The following PCDH15 variants were observed in gnomAD, a reference collection of about 807,000 sequenced individuals.
PCDH15 encodes protocadherin-15.
A neutral mutation model predicts 178.5 loss-of-function variants in PCDH15; 129 were observed. The ratio of observed to expected loss-of-function variants is 0.72; its 90% confidence interval spans 0.63 to 0.84. The LOEUF is 0.84. Among genes scored for constraint, PCDH15 ranks in the 40% least tolerant of loss-of-function variants. The probability of loss-of-function intolerance (pLI) is 0.00; values close to 1 mark genes in which losing one functional copy is unlikely to be tolerated. For synonymous variants in PCDH15, 800 were observed against 732.0 expected, an observed-to-expected ratio of 1.09 and a Z score of -1.50; for missense variants, 2,230 against 2,099.9, an observed-to-expected ratio of 1.06 and a Z score of -1.21.
chr10:55,453,218 T>C (rs1233761425), intron 2 of PCDH15, among the ~76,000 whole-genome samples: 3 of 152,244 alleles, frequency 2.0e-5, no homozygotes, highest in South Asian at 2.1e-4. Flanking sequence ...AAGCTGAATG[T>C]TGGGACATCA....
intron 3 of PCDH15, among the ~76,000 whole-genome samples, chr10:54,838,932 G>T (rs941352649): frequency 3.3e-5 from 5 of 152,086 alleles, no homozygotes; most frequent in African/African-American, 1.2e-4. Context: ...GGCAACTATG[G>T]ATTCCATTGC....
At chr10:53,832,475 T>C (rs11003873) in intron 29 of PCDH15, among the ~76,000 whole-genome samples, 7,415 of 151,912 alleles carry the variant, frequency 0.049, 329 homozygotes, top group East Asian at 0.15. Flanking sequence ...CTATAGAATA[T>C]TGGAAAACAA....
intron 1 of PCDH15, among the ~76,000 whole-genome samples, chr10:55,244,772 T>G (rs1404019382): frequency 6.6e-6 from 1 of 151,362 alleles, no homozygotes; most frequent in Non-Finnish European, 1.5e-5. Flanking sequence ...TAGAAAATTA[T>G]TTCCAGAATC....
chr10:54,526,678 T>C (rs1165973789), intron 3 of PCDH15, among the ~76,000 whole-genome samples: 1 of 152,204 alleles, frequency 6.6e-6, no homozygotes, highest in Non-Finnish European at 1.5e-5. Flanking sequence ...TGTTCACATT[T>C]TTGTAATTAC....
chr10:54,870,602 G>A (rs1342972398), intron 3 of PCDH15, among the ~76,000 whole-genome samples: 2 of 151,886 alleles, frequency 1.3e-5, no homozygotes, highest in Non-Finnish European at 1.5e-5. Flanking sequence ...TGGCTAACAC[G>A]GTGAAAACCC....
intron 1 of PCDH15, among the ~76,000 whole-genome samples, chr10:54,779,412 A>ATATATACACACACACATATATGTGTG (rs1950044878): frequency 2.3e-4 from 28 of 119,652 alleles, no homozygotes; most frequent in African/African-American, 8.3e-4. Context: ...ATATGTATAT[A>ATATATACACACACACATATATGTGTG]TATATATATA....
chr10:55,264,014 C>T (rs985972241), intron 1 of PCDH15, among the ~76,000 whole-genome samples: 5 of 151,954 alleles, frequency 3.3e-5, no homozygotes, highest in African/African-American at 1.2e-4. Context: ...GATTACAGGC[C>T]TGAGCCACCG....
chr10:55,296,452 A>G (rs2132273414), intron 1 of PCDH15, among the ~76,000 whole-genome samples: 1 of 152,288 alleles, frequency 6.6e-6, no homozygotes, highest in African/African-American at 2.4e-5. Flanking sequence ...CTTATTATGA[A>G]CAGCAAAAGA....
At position 54,023,186 on chromosome 10, in the gene PCDH15, A is replaced by G. The variant is rs750665528; in HGVS notation, c.2232T>C (p.Pro744=). 1.2e-6 allele frequency: 2 copies of G among 1,613,502 alleles called. No individual in the cohort carries two copies. The highest frequency in any genetic ancestry group is 2.2e-5 in the East Asian group (1 of 44,858). Residue 744 remains proline (P), a synonymous_variant, in exon 19 of 38, where the codon CCT becomes CCC. Transcript: ENST00000644397. The stretch of plus-strand genomic sequence containing the variant: ...GCACTTGACCATTTATTCCAGCATC[A>G]GGGTCTGTTGCCTATTAAATAAAAC... ...AFVGQVKATD[P]DAGINGQVHY...
chr10:54,776,722 A>T (rs770366896), intron 1 of PCDH15, among the ~76,000 whole-genome samples: 3 of 152,206 alleles, frequency 2.0e-5, no homozygotes, highest in Non-Finnish European at 4.4e-5. Flanking sequence ...TTTCCCCTGA[A>T]GGAAGGCTTG....
At chr10:55,139,324 G>A (rs1276320870) in intron 2 of PCDH15, among the ~76,000 whole-genome samples, 1 of 151,938 alleles carries the variant, frequency 6.6e-6, no homozygotes, top group East Asian at 1.9e-4. Context: ...TTCATAAATT[G>A]TGCCTTTGGT....
intron 2 of PCDH15, among the ~76,000 whole-genome samples, chr10:55,100,735 G>C (rs1564798300): frequency 6.6e-6 from 1 of 152,088 alleles, no homozygotes; most frequent in African/African-American, 2.4e-5. Context: ...ATCTATTCAT[G>C]AGGGGTCAAC....
chr10:55,411,107 T>C (rs1222117682), intron 2 of PCDH15, among the ~76,000 whole-genome samples: 2 of 152,134 alleles, frequency 1.3e-5, no homozygotes, highest in Non-Finnish European at 2.9e-5. Flanking sequence ...TTTCATGTCC[T>C]TAGTGTAGCA....
In PCDH15 at chr10:53,888,304, A is replaced by ATATACATATATATATATG. The variant is rs1554845199; in HGVS notation, c.3501+14938_3501+14939insCATATATATATATGTATA. On this transcript the variant is annotated intron_variant, in intron 26 of 37. Coordinates refer to ENST00000644397, the MANE Select transcript of PCDH15 (RefSeq NM_001384140.1). ...ACACTATATATACATATATATATAT[A>ATATACATATATATATATG]TATATGTATATATGTACGTATATAT... Among the ~76,000 whole-genome samples, 461 of 88,902 alleles carry ATATACATATATATATATG rather than the reference A, an allele frequency of 5.2e-3. 14 individuals carry two copies. The highest frequency in any genetic ancestry group is 0.026 in the African/African-American group (450 of 17,196). The allele number at this position is 88,902 out of a possible 152,430, so 58.3% of individuals were successfully genotyped here. A position where few individuals can be genotyped will look rare whatever the true frequency, so the allele number is the denominator to read the frequency against.
chr10:55,194,205 TTGTC>T (rs1840022286), intron 1 of PCDH15, among the ~76,000 whole-genome samples: 1 of 152,070 alleles, frequency 6.6e-6, no homozygotes, highest in South Asian at 2.1e-4. Context: ...TAGTGATTCA[TTGTC>T]TTTCTTTCTT....
intron 3 of PCDH15, among the ~76,000 whole-genome samples, chr10:54,400,454 GAA>G (rs1951790785): frequency 6.6e-6 from 1 of 151,868 alleles, no homozygotes. Flanking sequence ...ATCATCAATT[GAA>G]AGTTATAAAA....
chr10:55,226,193 G>T (rs1841033658), intron 1 of PCDH15, among the ~76,000 whole-genome samples: 1 of 152,016 alleles, frequency 6.6e-6, no homozygotes, highest in Non-Finnish European at 1.5e-5. Flanking sequence ...CCAATAAATA[G>T]TTGACATTTG....
intron 28 of PCDH15, among the ~76,000 whole-genome samples, chr10:53,853,038 A>G (rs1271766918): frequency 6.6e-6 from 1 of 152,088 alleles, no homozygotes; most frequent in Non-Finnish European, 1.5e-5. Context: ...CAGGTCTTAC[A>G]GTTCTTATCA....
intron 2 of PCDH15, among the ~76,000 whole-genome samples, chr10:55,524,750 C>T (rs138377978): frequency 5.4e-4 from 82 of 151,480 alleles, no homozygotes; most frequent in African/African-American, 1.9e-3. Flanking sequence ...TTATTATTCC[C>T]AAAGCACAGC....
Sources: allele counts gnomAD v4.1 joint callset (sites outside exome capture counted in the v4.1 genomes callset), GRCh38; gene constraint gnomAD v4.1.1; transcripts MANE v1.5; gene names NCBI Gene and HGNC (gene_info 2026-07-23, HGNC 2026-07-21).